LRRN2: variants seen among roughly 807,000 people sequenced by gnomAD.
LRRN2 encodes leucine-rich repeat neuronal protein 2.
LRRN2 carries 10 observed loss-of-function variants against 35.7 expected under a neutral mutation model. The observed-to-expected ratio is 0.28, with a 90% CI of 0.17 to 0.47. LRRN2 has a LOEUF of 0.47. Among genes scored for constraint, LRRN2 ranks in the 20% least tolerant of loss-of-function variants. LRRN2 has a pLI of 0.99. For missense variants in LRRN2, 731 were observed against 940.3 expected, an observed-to-expected ratio of 0.78 and a Z score of 2.91; for synonymous variants, 391 against 409.6, an observed-to-expected ratio of 0.95 and a Z score of 0.55.
intron 1 of LRRN2, among the ~76,000 whole-genome samples, chr1:204,633,935 C>A (rs1463867841): frequency 6.6e-6 from 1 of 152,250 alleles, no homozygotes. Flanking sequence ...CTCTCCTCCA[C>A]ACCCATCCAC....
At chr1:204,627,709 C>T (rs1470739045) in intron 1 of LRRN2, among the ~76,000 whole-genome samples, 10 of 152,388 alleles carry the variant, frequency 6.6e-5, no homozygotes, top group Non-Finnish European at 7.3e-5. Context: ...CTGCATCTCA[C>T]TGCCGCTTGC....
chr1:204,671,500 A>T (rs1668711523), intron 1 of LRRN2, among the ~76,000 whole-genome samples: 1 of 151,362 alleles, frequency 6.6e-6, no homozygotes, highest in Non-Finnish European at 1.5e-5. Context: ...TTAATCCAGA[A>T]CAGGGACTTG....
At chr1:204,639,954 T>C (rs1033002431) in intron 1 of LRRN2, among the ~76,000 whole-genome samples, 1 of 152,156 alleles carries the variant, frequency 6.6e-6, no homozygotes, top group African/African-American at 2.4e-5. Context: ...TATAATTATA[T>C]ATATTAACAA....
intron 1 of LRRN2, among the ~76,000 whole-genome samples, chr1:204,681,413 C>A (rs1668954316): frequency 6.6e-6 from 1 of 152,182 alleles, no homozygotes; most frequent in Non-Finnish European, 1.5e-5. Flanking sequence ...ACATGTATCA[C>A]CTCATGTAGT....
At chr1:204,627,586 G>A (rs1216314673) in intron 1 of LRRN2, among the ~76,000 whole-genome samples, 1 of 152,228 alleles carries the variant, frequency 6.6e-6, no homozygotes, top group Non-Finnish European at 1.5e-5. Context: ...TCTTAATTAG[G>A]AGTGGAAGGT....
intron 1 of LRRN2, among the ~76,000 whole-genome samples, chr1:204,642,387 TG>T (rs1302294956): frequency 6.6e-6 from 1 of 152,160 alleles, no homozygotes; most frequent in African/African-American, 2.4e-5. Context: ...CAGGTGTACA[TG>T]GGACTGACCT....
intron 1 of LRRN2, among the ~76,000 whole-genome samples, chr1:204,654,303 T>C (rs1277136098): frequency 6.6e-6 from 1 of 152,162 alleles, no homozygotes; most frequent in Non-Finnish European, 1.5e-5. Context: ...ACTGAAATGT[T>C]CAAAGCTGTT....
intron 1 of LRRN2, among the ~76,000 whole-genome samples, chr1:204,672,580 T>G (rs1668736909): frequency 6.6e-6 from 1 of 152,188 alleles, no homozygotes; most frequent in South Asian, 2.1e-4. Flanking sequence ...TCGCGCCGTC[T>G]TGGAGGAGGC....
At chr1:204,625,569 C>G (rs538704281) in intron 1 of LRRN2, among the ~76,000 whole-genome samples, 1 of 152,254 alleles carries the variant, frequency 6.6e-6, no homozygotes, top group Non-Finnish European at 1.5e-5. Context: ...ATAAACATTT[C>G]CAGCACTCCA....
In LRRN2 at chr1:204,620,048, T is replaced by C; in HGVS notation, c.-56A>G. Reference sequence around the variant, plus strand: ...AAGAAGAGTCTGGAGTCCTGCTCTTTGTGTTTTGCAGGGTAAGGGTCAGCA... The same window carrying C: ...AAGAAGAGTCTGGAGTCCTGCTCTTCGTGTTTTGCAGGGTAAGGGTCAGCA... On this transcript the variant is annotated 5_prime_UTR_variant, in exon 2 of 2. Coordinates refer to ENST00000367177, the MANE Select transcript of LRRN2 (RefSeq NM_201630.2). 1.3e-6 allele frequency: 2 copies of C among 1,549,908 alleles called. No individual in the cohort carries two copies. The highest frequency in any genetic ancestry group is 1.7e-6 in the Non-Finnish European group (2 of 1,147,226).
chr1:204,617,746 C>G lies in LRRN2; in HGVS notation c.*105G>C. The G allele has an allele frequency of 1.0e-5, 13 of 1,275,318 alleles. No homozygotes were observed. Among genetic ancestry groups the G allele is most frequent in the Non-Finnish European group, 1.3e-5 (12 of 891,188 alleles). 79.0% of individuals were successfully genotyped at this position (1,275,318 alleles called of 1,614,324 possible). Reference sequence around the variant, plus strand: ...TGGCCCAGCTGCCAGGCCTCAAGCACGTGGGTCCATGTCCCTTTCCTGGCA... The same window carrying G: ...TGGCCCAGCTGCCAGGCCTCAAGCAGGTGGGTCCATGTCCCTTTCCTGGCA... On this transcript the variant is annotated 3_prime_UTR_variant, in exon 2 of 2. Coordinates refer to ENST00000367177, the MANE Select transcript of LRRN2 (RefSeq NM_201630.2).
chr1:204,650,268 T>G (rs1668195169), intron 1 of LRRN2, among the ~76,000 whole-genome samples: 1 of 152,232 alleles, frequency 6.6e-6, no homozygotes, highest in African/African-American at 2.4e-5. Flanking sequence ...CAATTCCAAT[T>G]TGCAGTGGGC....
intron 1 of LRRN2, among the ~76,000 whole-genome samples, chr1:204,653,651 A>G (rs1668280775): frequency 6.6e-6 from 1 of 151,912 alleles, no homozygotes; most frequent in South Asian, 2.1e-4. Context: ...ACTTGAGACC[A>G]AGAGTTCAAG....
intron 1 of LRRN2, among the ~76,000 whole-genome samples, chr1:204,653,270 C>G (rs1278766504): frequency 6.6e-6 from 1 of 152,222 alleles, no homozygotes; most frequent in Admixed American, 6.5e-5. Flanking sequence ...TTGCTAGTCC[C>G]TCTCAATTCA....
Position 204,624,760 on chromosome 1 carries a change from C to CTG in LRRN2, c.-226-4543_-226-4542insCA, listed in dbSNP as rs1157076706. On this transcript the variant is annotated intron_variant, in intron 1 of 1. Coordinates refer to ENST00000367177, the MANE Select transcript of LRRN2 (RefSeq NM_201630.2). Reference sequence around the variant, plus strand: ...TCCCTGGCGGTTCCCCCCCCACCCCCCCCCCCGGGAGCTGAGGGTCCAGAG... The same window carrying CTG: ...TCCCTGGCGGTTCCCCCCCCACCCCCTGCCCCCCGGGAGCTGAGGGTCCAGAG... 2.9e-4 allele frequency among the ~76,000 whole-genome samples: 40 copies of CTG among 140,162 alleles called. No individual in the cohort carries two copies. In the South Asian group the frequency reaches 5.0e-3, roughly 18 times the overall value. The allele number at this position is 140,162 out of a possible 152,430, so 92.0% of individuals were successfully genotyped here.
chr1:204,617,755 A>G lies in LRRN2; in HGVS notation c.*96T>C. 5 of 1,391,920 alleles carry G rather than the reference A, an allele frequency of 3.6e-6. No homozygotes were observed. The highest frequency in any genetic ancestry group is 5.0e-6 in the Non-Finnish European group (5 of 991,052). 86.2% of individuals were successfully genotyped at this position (1,391,920 alleles called of 1,614,324 possible). A position where few individuals can be genotyped will look rare whatever the true frequency, so the allele number is the denominator to read the frequency against. On this transcript the variant is annotated 3_prime_UTR_variant, in exon 2 of 2. Coordinates refer to ENST00000367177, the MANE Select transcript of LRRN2 (RefSeq NM_201630.2). ...TGCCAGGCCTCAAGCACGTGGGTCCATGTCCCTTTCCTGGCAGGGCATCTG... is the reference window on the plus strand; with the variant it reads ...TGCCAGGCCTCAAGCACGTGGGTCCGTGTCCCTTTCCTGGCAGGGCATCTG...
intron 1 of LRRN2, among the ~76,000 whole-genome samples, chr1:204,626,362 C>T (rs565736924): frequency 1.1e-4 from 17 of 152,180 alleles, no homozygotes; most frequent in Admixed American, 8.5e-4. Context: ...CTTTCCTGCT[C>T]ACCTGAGAGA....
chr1:204,629,965 G>T (rs919965843), intron 1 of LRRN2, among the ~76,000 whole-genome samples: 1 of 152,154 alleles, frequency 6.6e-6, no homozygotes, highest in Non-Finnish European at 1.5e-5. Context: ...AGGGTGTGTG[G>T]GGGGGTTAAA....
chr1:204,671,609 A>C (rs1290985821), intron 1 of LRRN2, among the ~76,000 whole-genome samples: 1 of 141,398 alleles, frequency 7.1e-6, no homozygotes, highest in African/African-American at 2.6e-5. Flanking sequence ...ATCTGGACTC[A>C]GAGAAGGGAA....
Sources: allele counts gnomAD v4.1 joint callset (sites outside exome capture counted in the v4.1 genomes callset), GRCh38; gene constraint gnomAD v4.1.1; transcripts MANE v1.5; gene names NCBI Gene and HGNC (gene_info 2026-07-23, HGNC 2026-07-21).